The following RALYL variants were observed in gnomAD, a reference collection of about 807,000 sequenced individuals.
RALYL encodes RNA-binding Raly-like protein.
Under a neutral mutation model 35.1 loss-of-function variants are expected in RALYL, and 29 were observed. That is an observed-to-expected ratio of 0.83 (90% CI 0.61 to 1.13). The LOEUF (loss-of-function observed/expected upper bound fraction) is 1.13. RALYL is among the 50% of genes most tolerant of loss of function. The probability of loss-of-function intolerance (pLI) is 0.00; values close to 1 mark genes in which losing one functional copy is unlikely to be tolerated. For missense variants in RALYL, 359 were observed against 360.4 expected, an observed-to-expected ratio of 1.00 and a Z score of 0.03; for synonymous variants, 120 against 127.6, an observed-to-expected ratio of 0.94 and a Z score of 0.40.
chr8:84,737,699 G>A (rs561782497), intron 2 of RALYL, among the ~76,000 whole-genome samples: 2 of 152,048 alleles, frequency 1.3e-5, no homozygotes, highest in Admixed American at 6.6e-5. Flanking sequence ...ATGTGGTGGT[G>A]TCTGGAGGAG....
chr8:84,444,633 A>G (rs557426839), intron 1 of RALYL, among the ~76,000 whole-genome samples: 12 of 152,194 alleles, frequency 7.9e-5, no homozygotes, highest in African/African-American at 2.9e-4. Context: ...TATTTCTAGA[A>G]ACCACAGATA....
At chr8:84,531,735 A>C (rs1301242046) in intron 2 of RALYL, among the ~76,000 whole-genome samples, 1 of 152,068 alleles carries the variant, frequency 6.6e-6, no homozygotes, top group Non-Finnish European at 1.5e-5. Context: ...TCAGTTTAAG[A>C]TCAATTAAAA....
At chr8:84,542,627 G>T (rs1318749746) in intron 2 of RALYL, among the ~76,000 whole-genome samples, 1 of 152,078 alleles carries the variant, frequency 6.6e-6, no homozygotes, top group Non-Finnish European at 1.5e-5. Context: ...GGCTGTGTTT[G>T]CTTTTCCTTC....
intron 1 of RALYL, among the ~76,000 whole-genome samples, chr8:84,265,764 A>G (rs1833177712): frequency 6.6e-6 from 1 of 152,172 alleles, no homozygotes; most frequent in African/African-American, 2.4e-5. Flanking sequence ...TAACTCTGTG[A>G]TTGGTTTGAT....
chr8:84,700,356 A>G (rs75668870), intron 2 of RALYL, among the ~76,000 whole-genome samples: 1 of 152,126 alleles, frequency 6.6e-6, no homozygotes, highest in African/African-American at 2.4e-5. Flanking sequence ...TTTGACATTA[A>G]TGCATAGGAA....
intron 1 of RALYL, among the ~76,000 whole-genome samples, chr8:84,368,501 G>A (rs974284378): frequency 6.6e-6 from 1 of 152,136 alleles, no homozygotes; most frequent in Non-Finnish European, 1.5e-5. Context: ...TGCTGATAAA[G>A]ATATACCTGA....
At chr8:84,573,132 A>G (rs906401219) in intron 2 of RALYL, among the ~76,000 whole-genome samples, 1 of 150,918 alleles carries the variant, frequency 6.6e-6, no homozygotes, top group Non-Finnish European at 1.5e-5. Context: ...ATATTTTTTT[A>G]CTTTATCCCT....
At chr8:84,892,546 G>C (rs966371481) in intron 8 of RALYL, among the ~76,000 whole-genome samples, 1 of 151,472 alleles carries the variant, frequency 6.6e-6, no homozygotes, top group South Asian at 2.1e-4. Flanking sequence ...AGAGACGGGG[G>C]TTGTTGTGAG....
chr8:84,879,135 T>A (rs1841736785), intron 7 of RALYL, among the ~76,000 whole-genome samples: 1 of 152,116 alleles, frequency 6.6e-6, no homozygotes, highest in Admixed American at 6.6e-5. Context: ...TCCTAGGAGA[T>A]GAGCTGTGCA....
intron 1 of RALYL, among the ~76,000 whole-genome samples, chr8:84,498,298 T>G (rs2056304737): frequency 6.6e-6 from 1 of 152,082 alleles, no homozygotes; most frequent in South Asian, 2.1e-4. Flanking sequence ...CCTAGGATAT[T>G]GTTCCCATCA....
chr8:84,420,892 T>C (rs1364341272), intron 1 of RALYL, among the ~76,000 whole-genome samples: 1 of 105,526 alleles, frequency 9.5e-6, no homozygotes, highest in Non-Finnish European at 1.8e-5. Context: ...CTCTGTTCTG[T>C]TCCATTGATC....
chr8:84,813,266 A>T (rs1335558350), intron 4 of RALYL, among the ~76,000 whole-genome samples: 4 of 152,062 alleles, frequency 2.6e-5, no homozygotes, highest in African/African-American at 9.7e-5. Flanking sequence ...AGTATTTGGG[A>T]TGTCTCCTGG....
chr8:84,902,058 CA>C (rs1392461936), intron 8 of RALYL, among the ~76,000 whole-genome samples: 1 of 152,128 alleles, frequency 6.6e-6, no homozygotes, highest in Non-Finnish European at 1.5e-5. Context: ...TTATTTGACT[CA>C]CAATCTTGGA....
chr8:84,269,362 G>A (rs1479550636), intron 1 of RALYL, among the ~76,000 whole-genome samples: 1 of 152,168 alleles, frequency 6.6e-6, no homozygotes, highest in Non-Finnish European at 1.5e-5. Flanking sequence ...GGGAGTGATT[G>A]ACAAATGTGG....
At chr8:84,828,121 G>A (rs968027752) in intron 4 of RALYL, among the ~76,000 whole-genome samples, 3 of 151,918 alleles carry the variant, frequency 2.0e-5, no homozygotes, top group Non-Finnish European at 2.9e-5. Context: ...TTTAATATGT[G>A]GGAAATTATA....
intron 2 of RALYL, among the ~76,000 whole-genome samples, chr8:84,561,063 A>G (rs1027736706): frequency 2.0e-5 from 3 of 152,208 alleles, no homozygotes; most frequent in East Asian, 1.9e-4. Flanking sequence ...TTTATTGAAT[A>G]CAATATGCCA....
intron 2 of RALYL, among the ~76,000 whole-genome samples, chr8:84,617,570 T>A (rs1430473455): frequency 6.7e-6 from 1 of 149,710 alleles, no homozygotes; most frequent in African/African-American, 2.5e-5. Context: ...TTTTCCTAAT[T>A]GAATACCCTT....
intron 3 of RALYL, among the ~76,000 whole-genome samples, chr8:84,799,369 T>C (rs1822655602): frequency 6.6e-6 from 1 of 152,192 alleles, no homozygotes; most frequent in African/African-American, 2.4e-5. Context: ...CATGATTATA[T>C]TTGTATTTTA....
At chr8:84,278,121 T>C (rs917042792) in intron 1 of RALYL, among the ~76,000 whole-genome samples, 8 of 152,242 alleles carry the variant, frequency 5.3e-5, no homozygotes, top group Non-Finnish European at 1.2e-4. Context: ...TGCCTAGACA[T>C]ACAGGAGTTT....
Sources: allele counts gnomAD v4.1 joint callset (sites outside exome capture counted in the v4.1 genomes callset), GRCh38; gene constraint gnomAD v4.1.1; transcripts MANE v1.5; gene names NCBI Gene and HGNC (gene_info 2026-07-23, HGNC 2026-07-21).